HLF: variants seen among roughly 807,000 people sequenced by gnomAD.
HLF encodes the protein HLF transcription factor, PAR bZIP family member.
HLF carries 3 observed loss-of-function variants against 22.6 expected under a neutral mutation model. That is an observed-to-expected ratio of 0.13 (90% CI 0.06 to 0.34). The LOEUF is 0.34. Ranked by LOEUF, HLF falls within the 10% of genes least tolerant of loss-of-function variation. HLF has a pLI of 1.00. For missense variants in HLF, 299 were observed against 389.2 expected, an observed-to-expected ratio of 0.77 and a Z score of 1.95; for synonymous variants, 151 against 151.8, an observed-to-expected ratio of 0.99 and a Z score of 0.04.
chr17:55,295,206 G>A (rs1229925216), intron 2 of HLF, among the ~76,000 whole-genome samples: 1 of 152,184 alleles, frequency 6.6e-6, no homozygotes, highest in African/African-American at 2.4e-5. Flanking sequence ...AGGGAAGATG[G>A]GAGATGATCC....
At chr17:55,307,610 GC>G (rs1904641285) in intron 2 of HLF, among the ~76,000 whole-genome samples, 1 of 152,096 alleles carries the variant, frequency 6.6e-6, no homozygotes. Context: ...ATTAAAATTT[GC>G]CCCTGTTCCT....
chr17:55,307,147 C>CTTTTTTTTTTTTTTTTTT (rs35828509), intron 2 of HLF, among the ~76,000 whole-genome samples: 7 of 70,120 alleles, frequency 1.0e-4, no homozygotes, highest in Admixed American at 2.1e-4. Flanking sequence ...TCTCAGCGGC[C>CTTTTTTTTTTTTTTTTTT]TTTTTTTTTT....
At chr17:55,298,577 A>C (rs957763139) in intron 2 of HLF, among the ~76,000 whole-genome samples, 1 of 152,214 alleles carries the variant, frequency 6.6e-6, no homozygotes, top group Non-Finnish European at 1.5e-5. Flanking sequence ...TTTTTCTGAA[A>C]CAACATATTT....
intron 2 of HLF, among the ~76,000 whole-genome samples, chr17:55,286,324 C>A (rs991129001): frequency 6.6e-6 from 1 of 151,654 alleles, no homozygotes; most frequent in Non-Finnish European, 1.5e-5. Flanking sequence ...CTCGATAGTA[C>A]CCCCCTTTCT....
intron 2 of HLF, among the ~76,000 whole-genome samples, chr17:55,297,187 T>C (rs1482965350): frequency 6.6e-6 from 1 of 152,240 alleles, no homozygotes; most frequent in Non-Finnish European, 1.5e-5. Flanking sequence ...TTTATTAAGA[T>C]AATGTATGAT....
intron 1 of HLF, chr17:55,265,960 G>A: frequency 4.6e-6 from 3 of 650,630 alleles, no homozygotes; most frequent in East Asian, 9.8e-5. Flanking sequence ...GAGCCTCCCG[G>A]GCTGGGGAGG....
At chr17:55,301,938 G>C (rs1011362979) in intron 2 of HLF, among the ~76,000 whole-genome samples, 1 of 152,242 alleles carries the variant, frequency 6.6e-6, no homozygotes. Context: ...GCTAGATCTG[G>C]AAGGAGCCTT....
chr17:55,283,757 A>C (rs905908269), intron 2 of HLF: 1 of 152,226 alleles, frequency 6.6e-6, no homozygotes, highest in Non-Finnish European at 1.5e-5. Context: ...CAGCAGAGGC[A>C]GCCACAAACC....
At chr17:55,291,942 C>A (rs912552943) in intron 2 of HLF, among the ~76,000 whole-genome samples, 1 of 152,170 alleles carries the variant, frequency 6.6e-6, no homozygotes, top group African/African-American at 2.4e-5. Context: ...TTAGATGTGG[C>A]GGAAATAGCA....
chr17:55,278,362 C>G (rs984964359), intron 2 of HLF, among the ~76,000 whole-genome samples: 4 of 152,208 alleles, frequency 2.6e-5, no homozygotes, highest in Non-Finnish European at 5.9e-5. Context: ...GCAATGCTTT[C>G]TTTTCTAATT....
intron 1 of HLF, chr17:55,265,904 G>A (rs971851886): frequency 2.7e-6 from 3 of 1,100,756 alleles, no homozygotes; most frequent in Non-Finnish European, 3.3e-6. Flanking sequence ...TCGTTCCCTA[G>A]AACGAGGCAC....
intron 2 of HLF, among the ~76,000 whole-genome samples, chr17:55,293,188 T>A (rs539647479): frequency 1.3e-5 from 2 of 152,352 alleles, no homozygotes; most frequent in East Asian, 3.9e-4. Context: ...TTACTCTGAT[T>A]TGATCATTAC....
chr17:55,296,224 G>A (rs942285831), intron 2 of HLF, among the ~76,000 whole-genome samples: 14 of 152,172 alleles, frequency 9.2e-5, no homozygotes, highest in African/African-American at 3.4e-4. Context: ...ATCCACAGGG[G>A]CTGTTTCCTC....
At chr17:55,290,967 C>A (rs929896283) in intron 2 of HLF, among the ~76,000 whole-genome samples, 3 of 152,154 alleles carry the variant, frequency 2.0e-5, no homozygotes, top group African/African-American at 4.8e-5. Context: ...CCACAACATT[C>A]CCTTAAGCCA....
chr17:55,304,822 A>G (rs1395979519), intron 2 of HLF, among the ~76,000 whole-genome samples: 1 of 152,142 alleles, frequency 6.6e-6, no homozygotes, highest in Non-Finnish European at 1.5e-5. Context: ...CATTTCTCCC[A>G]CTTGACAGAT....
intron 2 of HLF, among the ~76,000 whole-genome samples, chr17:55,291,831 C>T (rs1003108086): frequency 1.3e-5 from 2 of 152,172 alleles, no homozygotes; most frequent in Non-Finnish European, 1.5e-5. Flanking sequence ...TGGGAAGGGA[C>T]ATTAATTAAC....
intron 2 of HLF, among the ~76,000 whole-genome samples, chr17:55,306,556 G>GTGTGTGTGTT (rs1446464862): frequency 6.6e-6 from 1 of 151,756 alleles, no homozygotes; most frequent in Non-Finnish European, 1.5e-5. Flanking sequence ...GTGTGTGTGT[G>GTGTGTGTGTT]TGTGTGTGTG....
At chr17:55,306,886 C>G (rs1567823371) in intron 2 of HLF, among the ~76,000 whole-genome samples, 1 of 151,416 alleles carries the variant, frequency 6.6e-6, no homozygotes, top group Non-Finnish European at 1.5e-5. Context: ...TCTTCCTTTC[C>G]TCCCTGCTGC....
intron 2 of HLF, among the ~76,000 whole-genome samples, chr17:55,269,416 AT>A (rs1245249885): frequency 1.3e-5 from 2 of 152,066 alleles, no homozygotes; most frequent in Non-Finnish European, 2.9e-5. Flanking sequence ...ACTATCTTCA[AT>A]TTTTTTGTAG....
Sources: gnomAD v4.1 joint callset for allele counts (sites outside exome capture counted in the v4.1 genomes callset) on GRCh38, gnomAD v4.1.1 for gene constraint, MANE v1.5 for transcripts, NCBI Gene and HGNC (gene_info 2026-07-23, HGNC 2026-07-21) for gene names.